MYO9A: variants seen among roughly 807,000 people sequenced by gnomAD.
MYO9A encodes myosin IXA, also known as unconventional myosin-IXa.
In MYO9A, 103 loss-of-function variants were observed where a neutral mutation model predicts 293.3. That is an observed-to-expected ratio of 0.35 (90% CI 0.30 to 0.41). MYO9A has a LOEUF of 0.41. MYO9A is among the 10% of genes least tolerant of loss of function. The probability of loss-of-function intolerance (pLI) is 1.00; values close to 1 mark genes in which losing one functional copy is unlikely to be tolerated. For missense variants in MYO9A, 2,685 were observed against 3,033.0 expected, an observed-to-expected ratio of 0.89 and a Z score of 2.69; for synonymous variants, 1,001 against 1,035.7, an observed-to-expected ratio of 0.97 and a Z score of 0.64.
chr15:71,868,059 C>T (rs1269338464), intron 32 of MYO9A, among the ~76,000 whole-genome samples: 10 of 152,300 alleles, frequency 6.6e-5, no homozygotes, highest in African/African-American at 1.4e-4. Flanking sequence ...AGAAGTCTGA[C>T]GCTTCTCAGA....
chr15:72,016,291 A>G (rs1157471125), intron 6 of MYO9A, among the ~76,000 whole-genome samples: 1 of 152,124 alleles, frequency 6.6e-6, no homozygotes, highest in African/African-American at 2.4e-5. Flanking sequence ...AAAAAAAAAA[A>G]TCTTATAAAT....
chr15:72,096,960 T>G (rs2080083275), intron 1 of MYO9A, among the ~76,000 whole-genome samples: 1 of 152,232 alleles, frequency 6.6e-6, no homozygotes, highest in African/African-American at 2.4e-5. Context: ...CAATAAAACA[T>G]GAACAGATGA....
chr15:71,944,378 T>C (rs1254173735), intron 15 of MYO9A, among the ~76,000 whole-genome samples: 2 of 152,178 alleles, frequency 1.3e-5, no homozygotes, highest in African/African-American at 2.4e-5. Flanking sequence ...TTTTTCCTTT[T>C]ATATTCATGC....
intron 39 of MYO9A, among the ~76,000 whole-genome samples, chr15:71,831,284 G>GAATACATTTATCTCAT (rs1156745999): frequency 6.6e-6 from 1 of 152,154 alleles, no homozygotes; most frequent in Non-Finnish European, 1.5e-5. Context: ...AGGTTCACTG[G>GAATACATTTATCTCAT]AATACATTTA....
At chr15:71,841,173 T>G (rs1305592106) in intron 39 of MYO9A, among the ~76,000 whole-genome samples, 1 of 152,252 alleles carries the variant, frequency 6.6e-6, no homozygotes, top group East Asian at 1.9e-4. Context: ...TATATAATCA[T>G]AATGGAAATG....
Position 71,879,759 on chromosome 15 carries a change from G to A in MYO9A, c.5701C>T (p.Arg1901Trp), listed in dbSNP as rs765977909. 19 of 1,613,464 alleles carry A rather than the reference G, an allele frequency of 1.2e-5. No homozygotes were observed. Among genetic ancestry groups the A allele is most frequent in the African/African-American group, 2.7e-5 (2 of 75,012 alleles). Reference sequence around the variant, plus strand: ...GAATAAAAGCTGAAGATATTCTGCCGAAATTCCTTCAGGGCTTTTTTAAAT... The same window carrying A: ...GAATAAAAGCTGAAGATATTCTGCCAAAATTCCTTCAGGGCTTTTTTAAAT... ...VVFKKALKEF[R>W]QNIFSFYSSA... The change falls in exon 30 of 42, where the codon CGG (arginine) becomes TGG (tryptophan). Residue 1901 changes from arginine (R) to tryptophan (W), a missense_variant. Coordinates refer to ENST00000356056, the MANE Select transcript of MYO9A (RefSeq NM_006901.4).
intron 1 of MYO9A, among the ~76,000 whole-genome samples, chr15:72,091,791 G>A (rs1036713474): frequency 6.6e-6 from 1 of 150,560 alleles, no homozygotes; most frequent in Admixed American, 6.6e-5. Flanking sequence ...TCGGCTCACT[G>A]CAAGCTCCGC....
At chr15:71,830,466 T>G (rs2054677452) in intron 39 of MYO9A, among the ~76,000 whole-genome samples, 155 bp from the exon 40 acceptor site, 1 of 152,208 alleles carries the variant, frequency 6.6e-6, no homozygotes, top group Admixed American at 6.5e-5. Flanking sequence ...GTGAGACATA[T>G]TCATACAACA....
intron 18 of MYO9A, 121 bp from the exon 19 acceptor site, chr15:71,916,613 G>T: frequency 1.1e-6 from 1 of 898,228 alleles, no homozygotes; most frequent in Non-Finnish European, 1.7e-6. Flanking sequence ...TGACTGTAGT[G>T]AATATGAAAG....
rs751880249 is a variant in MYO9A, at chr15:71,938,879, A to G, written c.2351T>C (p.Met784Thr). The change falls in exon 16 of 42, where the codon ATG becomes ACG. Residue 784 changes from methionine (M) to threonine (T), a missense_variant. Transcript: ENST00000356056. The part of the protein sequence containing the change: ...PRTPLSDLQG[M>T]NALNEKNQHD... ...TTGGTTTTTTTCATTTAGAGCATTCATGCCCTGGAGATCAGAAAGAGGTGT... is the reference window on the plus strand; with the variant it reads ...TTGGTTTTTTTCATTTAGAGCATTCGTGCCCTGGAGATCAGAAAGAGGTGT... 6.2e-7 allele frequency: 1 copy of G among 1,611,312 alleles called. No individual in the cohort carries two copies. The highest frequency in any genetic ancestry group is 1.7e-5 in the Admixed American group (1 of 59,664).
chr15:71,882,384 A>G lies in MYO9A; in HGVS notation c.5398+1210T>C, dbSNP rs2056900437. 3.3e-5 allele frequency among the ~76,000 whole-genome samples: 5 copies of G among 152,194 alleles called. No homozygotes were observed. In the South Asian group the frequency reaches 1.0e-3, roughly 31 times the overall value. On this transcript the variant is annotated intron_variant, in intron 28 of 41. Coordinates refer to ENST00000356056, the MANE Select transcript of MYO9A (RefSeq NM_006901.4). ...ATTAGGATAACTTGGAGAGTAAGTA[A>G]TTTTCCCATTTAGAGAGGTCAGTTT... is the stretch of plus-strand genomic sequence containing the variant.
intron 1 of MYO9A, among the ~76,000 whole-genome samples, chr15:72,086,703 A>G (rs1044567013): frequency 4.6e-5 from 7 of 151,148 alleles, no homozygotes. Context: ...GCAATAGGGG[A>G]AGGGAGCAGG....
At chr15:72,022,645 C>T (rs1432541006) in intron 4 of MYO9A, among the ~76,000 whole-genome samples, 2 of 151,990 alleles carry the variant, frequency 1.3e-5, no homozygotes, top group African/African-American at 4.8e-5. Flanking sequence ...CCTCCTAGGC[C>T]CAAGTGATTC....
In MYO9A at chr15:71,916,439, A is replaced by T. The variant is rs145540177; in HGVS notation, c.2616T>A (p.Asp872Glu). 365 of 1,613,600 alleles carry T rather than the reference A, an allele frequency of 2.3e-4. 1 individual carries two copies. Among genetic ancestry groups the T allele is most frequent in the Admixed American group, 1.3e-4 (8 of 59,976 alleles). Residue 872 changes from aspartate (D) to glutamate (E), a missense_variant, in exon 19 of 42, where the codon GAT (aspartate) becomes GAA (glutamate). By Grantham distance (45) the Asp-to-Glu change is conservative. Coordinates refer to ENST00000356056, the MANE Select transcript of MYO9A (RefSeq NM_006901.4). ...AATGAAGAAGAGACTTGGTAATGCGATCTTGTAGTGTCAGTCTTGTCAGGT... is the reference window on the plus strand; with the variant it reads ...AATGAAGAAGAGACTTGGTAATGCGTTCTTGTAGTGTCAGTCTTGTCAGGT... ...LKHLTRLTLQ[D>E]RITKSLLHLH... is the part of the protein sequence containing the mutation.
intron 1 of MYO9A, among the ~76,000 whole-genome samples, chr15:72,081,195 T>C (rs904258345): frequency 6.6e-6 from 1 of 152,176 alleles, no homozygotes; most frequent in African/African-American, 2.4e-5. Flanking sequence ...TCTGTATATG[T>C]GTTCCTTTTT....
intron 2 of MYO9A, chr15:72,036,411 G>C (rs960372946): frequency 6.6e-6 from 1 of 152,132 alleles, no homozygotes; most frequent in Non-Finnish European, 1.5e-5. Context: ...CCAAAGGATT[G>C]CAAGAACCCT....
In MYO9A at chr15:71,826,935, G is replaced by A; in HGVS notation, c.7292C>T (p.Ser2431Phe). Residue 2431 changes from serine to phenylalanine, a missense_variant, in exon 42 of 42, where the codon TCT becomes TTT. Transcript: ENST00000356056. ...KQQDSLDVVD[S>F]SVSSLCLSNT... is the part of the protein sequence containing the mutation. Reference sequence around the variant, plus strand: ...AGACAGACATAAAGAGGAGACCGAAGAGTCCACGACATCTAAAGAGTCTTG... The same window carrying A: ...AGACAGACATAAAGAGGAGACCGAAAAGTCCACGACATCTAAAGAGTCTTG... 6 of 1,614,102 alleles carry A rather than the reference G, an allele frequency of 3.7e-6. No individual in the cohort carries two copies. Among genetic ancestry groups the A allele is most frequent in the Non-Finnish European group, 5.1e-6 (6 of 1,179,968 alleles).
At chr15:71,983,671 CG>C (rs2076339057) in intron 11 of MYO9A, among the ~76,000 whole-genome samples, 1 of 150,776 alleles carries the variant, frequency 6.6e-6, no homozygotes, top group Admixed American at 6.6e-5. Context: ...TTAGTAGAGT[CG>C]GGGTTTCACC....
chr15:71,826,931 C>G lies in MYO9A; in HGVS notation c.7296G>C (p.Ser2432=). Residue 2432 remains serine, a synonymous_variant, in exon 42 of 42, where the codon TCG becomes TCC. Transcript: ENST00000356056. ...TGTTAGACAGACATAAAGAGGAGAC[C>G]GAAGAGTCCACGACATCTAAAGAGT... ...QQDSLDVVDS[S]VSSLCLSNTA... is the part of the protein sequence containing the mutation. 1 of 1,613,980 alleles carries G rather than the reference C, an allele frequency of 6.2e-7. No individual in the cohort carries two copies. Among genetic ancestry groups the G allele is most frequent in the Non-Finnish European group, 8.5e-7 (1 of 1,179,944 alleles).
Sources: gnomAD v4.1 joint callset for allele counts (sites outside exome capture counted in the v4.1 genomes callset) on GRCh38, gnomAD v4.1.1 for gene constraint, MANE v1.5 for transcripts, NCBI Gene and HGNC (gene_info 2026-07-23, HGNC 2026-07-21) for gene names.